Variants in TEAD4 observed in about 807,000 individuals in gnomAD.
The protein encoded by TEAD4 is TEA domain transcription factor 4, also known as transcriptional enhancer factor TEF-3.
A neutral mutation model predicts 52.4 loss-of-function variants in TEAD4; 36 were observed. That is an observed-to-expected ratio of 0.69 (90% CI 0.53 to 0.91). The LOEUF (loss-of-function observed/expected upper bound fraction) is 0.91. Among genes scored for constraint, TEAD4 ranks in the 40% least tolerant of loss-of-function variants. TEAD4 has a pLI of 0.00. For synonymous variants in TEAD4, 220 were observed against 231.0 expected (o/e 0.95, Z 0.43); for missense variants, 508 against 583.9 (o/e 0.87, Z 1.34).
intron 2 of TEAD4, among the ~76,000 whole-genome samples, chr12:2,963,732 T>G (rs1243132407): frequency 6.6e-6 from 1 of 152,156 alleles, no homozygotes; most frequent in Non-Finnish European, 1.5e-5. Flanking sequence ...CCTTAGCTGG[T>G]GGGGACTGGA....
chr12:2,997,643 C>T (rs998354215), intron 3 of TEAD4, among the ~76,000 whole-genome samples: 4 of 151,814 alleles, frequency 2.6e-5, no homozygotes, highest in African/African-American at 4.8e-5. Context: ...AGAGGTGGGC[C>T]GGAAAACGAA....
chr12:2,978,566 G>A (rs964927523), intron 2 of TEAD4, among the ~76,000 whole-genome samples: 9 of 152,112 alleles, frequency 5.9e-5, no homozygotes, highest in African/African-American at 2.2e-4. Context: ...ACCGCCCCTG[G>A]CTAATTTTTG....
chr12:3,015,503 G>A lies in TEAD4; in HGVS notation c.355-1895G>A, dbSNP rs760072013. On this transcript the variant is annotated intron_variant, in intron 5 of 12. Transcript: ENST00000359864. ...CTGTGTTCTGGCTTCACACCTGCACGGCACCAGGATGGCGGGGGAGCACTG... is the reference window on the plus strand; with the variant it reads ...CTGTGTTCTGGCTTCACACCTGCACAGCACCAGGATGGCGGGGGAGCACTG... Among the ~76,000 whole-genome samples the A allele has an allele frequency of 1.6e-4, 25 of 152,334 alleles. 1 individual carries two copies. Among genetic ancestry groups the A allele is most frequent in the Middle Eastern group, 3.4e-3 (1 of 294 alleles).
At chr12:3,011,214 A>T in intron 4 of TEAD4, 146 bp downstream of exon 4, 1 of 715,590 alleles carries the variant, frequency 1.4e-6, no homozygotes, top group East Asian at 2.7e-5. Context: ...GGCGTGTCAC[A>T]GGTGGTCCAG....
At chr12:3,034,063 A>C (rs1471943575) in intron 10 of TEAD4, among the ~76,000 whole-genome samples, 1 of 151,378 alleles carries the variant, frequency 6.6e-6, no homozygotes, top group Non-Finnish European at 1.5e-5. Flanking sequence ...CCCATTGCTC[A>C]ACCCTAGCAC....
At chr12:2,986,414 A>G (rs182146354) in intron 2 of TEAD4, among the ~76,000 whole-genome samples, 122 of 152,028 alleles carry the variant, frequency 8.0e-4, no homozygotes, top group South Asian at 1.7e-3. Context: ...GAGACGGGCC[A>G]ATCACCAGAG....
chr12:3,035,143 T>C (rs1461272984), intron 10 of TEAD4, among the ~76,000 whole-genome samples: 1 of 152,188 alleles, frequency 6.6e-6, no homozygotes, highest in Non-Finnish European at 1.5e-5. Context: ...TATTTTCATA[T>C]ATATTAGAAA....
chr12:3,029,404 A>AT (rs1413277495), intron 10 of TEAD4, among the ~76,000 whole-genome samples: 4 of 151,786 alleles, frequency 2.6e-5, no homozygotes, highest in African/African-American at 9.7e-5. Context: ...CGCCCAGCTA[A>AT]TTTTTTTGTA....
chr12:3,008,064 C>T (rs571122592), intron 3 of TEAD4, among the ~76,000 whole-genome samples: 6 of 152,086 alleles, frequency 3.9e-5, no homozygotes, highest in Admixed American at 2.6e-4. Context: ...ATAAATAGAC[C>T]AAAAATCCCT....
intron 2 of TEAD4, among the ~76,000 whole-genome samples, chr12:2,982,865 G>A (rs552359693): frequency 2.2e-4 from 34 of 152,310 alleles, no homozygotes; most frequent in African/African-American, 7.7e-4. Context: ...TTCTCCCCAG[G>A]TGTGTGTTCT....
Position 3,008,791 on chromosome 12 carries a change from A to G in TEAD4, c.227-2213A>G, listed in dbSNP as rs531958113. 9.3e-4 allele frequency among the ~76,000 whole-genome samples: 141 copies of G among 152,332 alleles called. 2 individuals carry two copies. The South Asian group carries it at 0.028, about 30-fold the overall frequency. ...TGTTGAGAGTCTAACAAGGAAAGAC[A>G]GACATGGATAACTGATGAGCACACG... On this transcript the variant is annotated intron_variant, in intron 3 of 12. Transcript: ENST00000359864.
At chr12:2,973,269 G>A (rs1400614861) in intron 2 of TEAD4, among the ~76,000 whole-genome samples, 3 of 152,068 alleles carry the variant, frequency 2.0e-5, no homozygotes, top group East Asian at 1.9e-4. Context: ...ATGAGGTTTC[G>A]CCATGTTGCC....
chr12:3,027,303 C>T (rs962438378), intron 10 of TEAD4, among the ~76,000 whole-genome samples: 10 of 152,134 alleles, frequency 6.6e-5, no homozygotes, highest in African/African-American at 1.9e-4. Flanking sequence ...TTTTTAATTC[C>T]GTTTTTCTGT....
rs1591592200 is a variant in TEAD4 at position 3,020,875 on chromosome 12, G to A, written c.723+102G>A. 5 of 1,290,726 alleles carry A rather than the reference G, an allele frequency of 3.9e-6. No individual in the cohort carries two copies. The African/African-American group carries it at 7.7e-5, about 20-fold the overall frequency. The allele number at this position is 1,290,726 out of a possible 1,614,324, so 80.0% of individuals were successfully genotyped here. ...CACTCCATGCTGGGGCTTAATTCAA[G>A]TTCCCTGTTCCTTTCCGATCTTCCC... On this transcript the variant is annotated intron_variant, in intron 9 of 12. Transcript: ENST00000359864.
intron 8 of TEAD4, among the ~76,000 whole-genome samples, chr12:3,019,482 G>T (rs372871390): frequency 6.6e-6 from 1 of 152,202 alleles, no homozygotes; most frequent in African/African-American, 2.4e-5. Context: ...CCACTTGGCC[G>T]GCCTTGTTAC....
At chr12:3,025,571 C>T (rs1010345550) in intron 10 of TEAD4, among the ~76,000 whole-genome samples, 2 of 151,284 alleles carry the variant, frequency 1.3e-5, no homozygotes, top group African/African-American at 4.9e-5. Flanking sequence ...GAGTTTCGCT[C>T]TGTTGCCTAG....
At chr12:3,031,475 C>G (rs191611427) in intron 10 of TEAD4, among the ~76,000 whole-genome samples, 1 of 152,316 alleles carries the variant, frequency 6.6e-6, no homozygotes, top group Admixed American at 6.5e-5. Flanking sequence ...ATTCTGTGTT[C>G]TTCTAGCCAC....
At chr12:2,960,351 G>A (rs552563361) in intron 2 of TEAD4, 1 of 985,644 alleles carries the variant, frequency 1.0e-6, no homozygotes, top group East Asian at 1.1e-4. Context: ...GAGAGACCTG[G>A]AGGTAAGCGG....
intron 10 of TEAD4, 82 bp from the exon 11 acceptor site, chr12:3,037,886 C>T (rs570105032): frequency 1.8e-5 from 28 of 1,517,134 alleles, no homozygotes; most frequent in Admixed American, 1.0e-4. Flanking sequence ...GAGCCGGGAC[C>T]GGGACCCTGA....
Sources: allele counts gnomAD v4.1 joint callset (sites outside exome capture counted in the v4.1 genomes callset), GRCh38; gene constraint gnomAD v4.1.1; transcripts MANE v1.5; gene names NCBI Gene and HGNC (gene_info 2026-07-23, HGNC 2026-07-21).